The following LRP1B variants were observed in gnomAD, a reference collection of about 807,000 sequenced individuals.
LRP1B encodes the protein LDL receptor related protein 1B, also known as low-density lipoprotein receptor-related protein 1B.
LRP1B carries 217 observed loss-of-function variants against 556.6 expected under a neutral mutation model. The ratio of observed to expected loss-of-function variants is 0.39; its 90% CI spans 0.35 to 0.44. The LOEUF (loss-of-function observed/expected upper bound fraction) is 0.44, where lower values mean the gene tolerates loss of function less well. Ranked by LOEUF, LRP1B falls within the 20% of genes least tolerant of loss-of-function variation. The probability of loss-of-function intolerance (pLI) is 1.00; values close to 1 mark genes in which losing one functional copy is unlikely to be tolerated. For missense variants in LRP1B, 5,053 were observed against 5,620.8 expected (o/e 0.90, Z 3.23); for synonymous variants, 2,047 against 1,865.8 (o/e 1.10, Z -2.50).
chr2:141,861,854 C>T (rs745995868), intron 1 of LRP1B, among the ~76,000 whole-genome samples: 3 of 151,720 alleles, frequency 2.0e-5, no homozygotes, highest in East Asian at 1.9e-4. Context: ...TGCTTGAACT[C>T]GGGAGGTGGA....
chr2:142,086,716 T>C (rs1705948067), intron 1 of LRP1B, among the ~76,000 whole-genome samples: 1 of 152,156 alleles, frequency 6.6e-6, no homozygotes. Context: ...CCGATAAATT[T>C]GAATTTTATA....
chr2:141,898,694 C>T (rs1699529752), intron 1 of LRP1B, among the ~76,000 whole-genome samples: 1 of 152,160 alleles, frequency 6.6e-6, no homozygotes, highest in East Asian at 1.9e-4. Context: ...AAACGGCAGG[C>T]AACATCATAT....
intron 41 of LRP1B, among the ~76,000 whole-genome samples, chr2:140,659,297 T>C (rs1351793922): frequency 1.3e-5 from 2 of 151,916 alleles, no homozygotes; most frequent in African/African-American, 4.8e-5. Flanking sequence ...GATCTATTTT[T>C]CAGCAATTTA....
chr2:141,195,958 G>C (rs1681733777), intron 6 of LRP1B, among the ~76,000 whole-genome samples: 1 of 152,034 alleles, frequency 6.6e-6, no homozygotes, highest in African/African-American at 2.4e-5. Flanking sequence ...AATTTGGGCA[G>C]TAAGGCCTAC....
chr2:141,230,905 A>G (rs1162200617), intron 5 of LRP1B, among the ~76,000 whole-genome samples: 1 of 152,158 alleles, frequency 6.6e-6, no homozygotes, highest in Non-Finnish European at 1.5e-5. Context: ...TATGTTTTAT[A>G]TATTTTTCTG....
chr2:141,015,401 G>A (rs1697873211), intron 13 of LRP1B, among the ~76,000 whole-genome samples: 1 of 152,004 alleles, frequency 6.6e-6, no homozygotes, highest in African/African-American at 2.4e-5. Flanking sequence ...CTTGGTTATA[G>A]AAAACTCATC....
intron 2 of LRP1B, among the ~76,000 whole-genome samples, chr2:141,643,830 C>T (rs976798778): frequency 6.6e-6 from 1 of 152,054 alleles, no homozygotes; most frequent in African/African-American, 2.4e-5. Context: ...GGAAAAGTAT[C>T]TAACTTCTCT....
chr2:140,669,514 G>A (rs542114869), intron 41 of LRP1B, among the ~76,000 whole-genome samples: 9 of 152,192 alleles, frequency 5.9e-5, no homozygotes, highest in African/African-American at 2.2e-4. Context: ...TAAATGGAAG[G>A]TGCAAAGGAA....
At chr2:140,290,059 C>T (rs1360274420) in intron 84 of LRP1B, among the ~76,000 whole-genome samples, 1 of 152,010 alleles carries the variant, frequency 6.6e-6, no homozygotes, top group African/African-American at 2.4e-5. Context: ...ATCCAAACTC[C>T]TAAATTCCAG....
At chr2:142,057,012 A>T (rs1299620799) in intron 1 of LRP1B, among the ~76,000 whole-genome samples, 6 of 152,190 alleles carry the variant, frequency 3.9e-5, no homozygotes, top group Admixed American at 3.3e-4. Context: ...CAAACAAAGC[A>T]AATTGCATGT....
intron 3 of LRP1B, among the ~76,000 whole-genome samples, chr2:141,455,513 T>C (rs1478382087): frequency 6.6e-6 from 1 of 152,090 alleles, no homozygotes; most frequent in Non-Finnish European, 1.5e-5. Context: ...CATTTTTTTT[T>C]TCTTTTGGTT....
At chr2:141,695,640 A>T (rs1357303750) in intron 2 of LRP1B, among the ~76,000 whole-genome samples, 2 of 151,968 alleles carry the variant, frequency 1.3e-5, no homozygotes, top group Non-Finnish European at 2.9e-5. Context: ...CATAGCCTAA[A>T]CAATGACTAT....
At chr2:140,242,158 A>G (rs1183829091) in intron 87 of LRP1B, among the ~76,000 whole-genome samples, 3 of 151,088 alleles carry the variant, frequency 2.0e-5, no homozygotes, top group African/African-American at 7.3e-5. Context: ...TTACCAACAT[A>G]TGCTCAGGCA....
At chr2:140,539,231 G>T (rs1018279670) in intron 45 of LRP1B, among the ~76,000 whole-genome samples, 2 of 152,006 alleles carry the variant, frequency 1.3e-5, no homozygotes, top group African/African-American at 2.4e-5. Flanking sequence ...CTTTAATGCT[G>T]CCATTAACAT....
At chr2:140,559,856 A>G (rs1401655535) in intron 43 of LRP1B, among the ~76,000 whole-genome samples, 1 of 152,118 alleles carries the variant, frequency 6.6e-6, no homozygotes, top group Non-Finnish European at 1.5e-5. Context: ...TTGAAATTGA[A>G]AATTATCACT....
At chr2:141,806,206 C>T (rs917626527) in intron 2 of LRP1B, among the ~76,000 whole-genome samples, 1 of 152,030 alleles carries the variant, frequency 6.6e-6, no homozygotes, top group East Asian at 1.9e-4. Context: ...ATAAAAGTGC[C>T]TTTCAAGAAG....
intron 17 of LRP1B, among the ~76,000 whole-genome samples, chr2:140,988,608 G>A (rs897691064): frequency 7.2e-5 from 11 of 152,194 alleles, no homozygotes; most frequent in South Asian, 6.2e-4. Flanking sequence ...GTCTTTCCAA[G>A]AAAAAAGCTG....
chr2:140,792,319 C>CT (rs1690150861), intron 32 of LRP1B, among the ~76,000 whole-genome samples: 1 of 152,040 alleles, frequency 6.6e-6, no homozygotes, highest in African/African-American at 2.4e-5. Context: ...GACATTGAAC[C>CT]TAAGAGGGTA....
At chr2:141,644,268 T>G (rs1343040527) in intron 2 of LRP1B, among the ~76,000 whole-genome samples, 1 of 151,970 alleles carries the variant, frequency 6.6e-6, no homozygotes. Flanking sequence ...ATGGGGCAGG[T>G]CTTCCCAGTG....
Sources: allele counts gnomAD v4.1 joint callset (sites outside exome capture counted in the v4.1 genomes callset), GRCh38; gene constraint gnomAD v4.1.1; transcripts MANE v1.5; gene names NCBI Gene and HGNC (gene_info 2026-07-23, HGNC 2026-07-21).